TRAT1: variants seen among roughly 807,000 people sequenced by gnomAD.
The protein encoded by TRAT1 is T-cell receptor-associated transmembrane adapter 1.
Under a neutral mutation model 20.0 loss-of-function variants are expected in TRAT1, and 20 were observed. The ratio of observed to expected loss-of-function variants is 1.00; its 90% CI spans 0.70 to 1.45. TRAT1 has a LOEUF of 1.45. Ranked by LOEUF, TRAT1 falls within the 40% of genes most tolerant of loss-of-function variation. TRAT1 has a pLI of 0.00. For synonymous variants in TRAT1, 77 were observed against 74.2 expected (o/e 1.04, Z -0.20); for missense variants, 237 against 224.1 (o/e 1.06, Z -0.37).
intron 2 of TRAT1, among the ~76,000 whole-genome samples, chr3:108,835,352 A>T (rs1418789750): frequency 6.6e-6 from 1 of 152,244 alleles, no homozygotes; most frequent in Non-Finnish European, 1.5e-5. Context: ...ATTGCTTTAT[A>T]GCAAAGCATA....
At chr3:108,851,773 C>T (rs1204741218) in intron 5 of TRAT1, among the ~76,000 whole-genome samples, 1 of 152,182 alleles carries the variant, frequency 6.6e-6, no homozygotes, top group Non-Finnish European at 1.5e-5. Context: ...ATGCACTTAA[C>T]TAACACTGCA....
chr3:108,831,224 G>A (rs753338174), intron 2 of TRAT1, among the ~76,000 whole-genome samples: 4 of 152,210 alleles, frequency 2.6e-5, no homozygotes, highest in Non-Finnish European at 4.4e-5. Flanking sequence ...AGCGGGGTCA[G>A]AAGACGACTG....
At chr3:108,848,442 A>G (rs1945967217) in intron 4 of TRAT1, among the ~76,000 whole-genome samples, 1 of 152,228 alleles carries the variant, frequency 6.6e-6, no homozygotes, top group African/African-American at 2.4e-5. Context: ...TGGCCATCCT[A>G]TGAGTCACTA....
intron 2 of TRAT1, among the ~76,000 whole-genome samples, chr3:108,833,199 C>T (rs1945809974): frequency 6.6e-6 from 1 of 152,120 alleles, no homozygotes; most frequent in Non-Finnish European, 1.5e-5. Context: ...GGGTGGATTG[C>T]CTGAGGTCAG....
intron 2 of TRAT1, among the ~76,000 whole-genome samples, chr3:108,836,015 A>G (rs537367266): frequency 3.3e-5 from 5 of 152,052 alleles, no homozygotes; most frequent in East Asian, 1.9e-4. Flanking sequence ...TGCCTCCTGG[A>G]TTCAAGCGAT....
In TRAT1 at chr3:108,844,843, C is replaced by CAAAAA. The variant is rs71103495; in HGVS notation, c.153-2203_153-2199dup. On this transcript the variant is annotated intron_variant, in intron 3 of 5. Transcript: ENST00000295756. ...TGGGTGACAGAGAGAGACTCTGTCTCAAAAAAAAAAAAAAAAAAAAAAAAA... is the reference window on the plus strand; with the variant it reads ...TGGGTGACAGAGAGAGACTCTGTCTCAAAAAAAAAAAAAAAAAAAAAAAAAAAAAA... Among the ~76,000 whole-genome samples, 204 of 47,800 alleles carry CAAAAA rather than the reference C, an allele frequency of 4.3e-3. 22 individuals are homozygous for CAAAAA. Among genetic ancestry groups the CAAAAA allele is most frequent in the African/African-American group, 0.016 (191 of 11,672 alleles). 31.4% of individuals were successfully genotyped at this position (47,800 alleles called of 152,430 possible).
intron 2 of TRAT1, among the ~76,000 whole-genome samples, chr3:108,834,802 A>T (rs997355817): frequency 6.6e-6 from 1 of 152,222 alleles, no homozygotes; most frequent in African/African-American, 2.4e-5. Flanking sequence ...ATATCTGCAC[A>T]TTCAATCAGA....
In TRAT1 at chr3:108,846,559, A is replaced by AC. The variant is rs1241296700; in HGVS notation, c.153-509_153-508insC. On this transcript the variant is annotated intron_variant, in intron 3 of 5. Coordinates refer to ENST00000295756, the MANE Select transcript of TRAT1 (RefSeq NM_016388.4). The stretch of plus-strand genomic sequence containing the variant: ...TACTCAGAAAACATGGTTTTAAGAG[A>AC]TTGTTTGGACTGATATTCTGGGTGA... Among the ~76,000 whole-genome samples the AC allele has an allele frequency of 2.6e-5, 4 of 152,150 alleles. No homozygotes were observed. The South Asian group carries it at 6.2e-4, about 24-fold the overall frequency.
chr3:108,838,781 C>A (rs938539776), intron 2 of TRAT1, among the ~76,000 whole-genome samples, 153 bp from the exon 3 acceptor site: 13 of 151,912 alleles, frequency 8.6e-5, no homozygotes, highest in African/African-American at 2.9e-4. Context: ...AAGAGGAGAC[C>A]TTTAACCCTA....
chr3:108,835,918 TTTATTTATTTATTTA>T (rs1945835821), intron 2 of TRAT1, among the ~76,000 whole-genome samples: 8 of 151,488 alleles, frequency 5.3e-5, no homozygotes, highest in Admixed American at 1.3e-4. Context: ...TATTTATTTA[TTTATTTATTTATTTA>T]TTTTTTGAGA....
In TRAT1 at chr3:108,853,614, T is replaced by C. The variant is rs758868556; in HGVS notation, c.304-6T>C. ...ACAATGAAAAATTAACATCCCTTTC[T>C]TTTAGGCAACCAATGAAACACAGAT... On this transcript the variant is annotated splice_polypyrimidine_tract_variant and splice_region_variant and intron_variant, in intron 5 of 5. Transcript: ENST00000295756. The C allele has an allele frequency of 1.9e-6, 3 of 1,610,378 alleles. No individual in the cohort carries two copies. Among genetic ancestry groups the C allele is most frequent in the Non-Finnish European group, 2.5e-6 (3 of 1,177,750 alleles).
chr3:108,823,048 G>T, intron 1 of TRAT1, 114 bp downstream of exon 1: 2 of 918,058 alleles, frequency 2.2e-6, no homozygotes, highest in South Asian at 1.7e-5. Flanking sequence ...TAAAAATGTT[G>T]GATAACTTTT....
intron 5 of TRAT1, among the ~76,000 whole-genome samples, chr3:108,851,364 T>A (rs1945996481): frequency 6.6e-6 from 1 of 152,048 alleles, no homozygotes; most frequent in Non-Finnish European, 1.5e-5. Flanking sequence ...TTCACAAGAG[T>A]CCCCAAATCC....
chr3:108,822,845 C>A lies in TRAT1; in HGVS notation c.-83C>A. On this transcript the variant is annotated 5_prime_UTR_variant, in exon 1 of 6. Coordinates refer to ENST00000295756, the MANE Select transcript of TRAT1 (RefSeq NM_016388.4). ...CTTTTAACATAACAGAGCAACATCACCTAGGAAAAAAGTTTGTAGGAGGAT... is the reference window on the plus strand; with the variant it reads ...CTTTTAACATAACAGAGCAACATCAACTAGGAAAAAAGTTTGTAGGAGGAT... The A allele has an allele frequency of 1.6e-6, 2 of 1,234,250 alleles. No individual in the cohort carries two copies. Among genetic ancestry groups the A allele is most frequent in the Non-Finnish European group, 2.4e-6 (2 of 843,566 alleles). The allele number at this position is 1,234,250 out of a possible 1,614,324, so 76.5% of individuals were successfully genotyped here. A position where few individuals can be genotyped will look rare whatever the true frequency, so the allele number is the denominator to read the frequency against.
At chr3:108,840,630 T>C (rs1353473258) in intron 3 of TRAT1, among the ~76,000 whole-genome samples, 4 of 152,150 alleles carry the variant, frequency 2.6e-5, no homozygotes, top group Non-Finnish European at 5.9e-5. Flanking sequence ...AAAATAAGTT[T>C]GCTGATTACC....
intron 3 of TRAT1, among the ~76,000 whole-genome samples, chr3:108,841,043 G>A (rs992319524): frequency 1.3e-5 from 2 of 152,166 alleles, no homozygotes; most frequent in Non-Finnish European, 2.9e-5. Flanking sequence ...TAAAACCTAG[G>A]CTGTTCCAGC....
At chr3:108,848,125 G>A (rs1945964784) in intron 4 of TRAT1, among the ~76,000 whole-genome samples, 1 of 152,118 alleles carries the variant, frequency 6.6e-6, no homozygotes, top group South Asian at 2.1e-4. Flanking sequence ...AAATTCTTAT[G>A]TATTCTGATG....
chr3:108,832,461 C>A (rs1221200809), intron 2 of TRAT1, among the ~76,000 whole-genome samples: 1 of 152,170 alleles, frequency 6.6e-6, no homozygotes, highest in African/African-American at 2.4e-5. Flanking sequence ...CATCAAACAT[C>A]TTCTACAGTT....
At chr3:108,848,617 C>T (rs1244479613) in intron 4 of TRAT1, among the ~76,000 whole-genome samples, 1 of 152,202 alleles carries the variant, frequency 6.6e-6, no homozygotes, top group East Asian at 1.9e-4. Flanking sequence ...GCCCCAGACC[C>T]TTAGGCAGTC....
Sources: gnomAD v4.1 joint callset for allele counts (sites outside exome capture counted in the v4.1 genomes callset) on GRCh38, gnomAD v4.1.1 for gene constraint, MANE v1.5 for transcripts, NCBI Gene and HGNC (gene_info 2026-07-23, HGNC 2026-07-21) for gene names.